The following PAX7 variants were observed in gnomAD, a reference collection of about 807,000 sequenced individuals.
PAX7 encodes the protein paired box 7.
In PAX7, 18 loss-of-function variants were observed where a neutral mutation model predicts 50.7. That is an observed-to-expected ratio of 0.36 (90% CI 0.25 to 0.53). The LOEUF (loss-of-function observed/expected upper bound fraction) is 0.53, where lower values mean the gene tolerates loss of function less well. Ranked by LOEUF, PAX7 falls within the 20% of genes least tolerant of loss-of-function variation. The pLI is 0.93. For missense variants in PAX7, 644 were observed against 702.9 expected, an observed-to-expected ratio of 0.92 and a Z score of 0.95; for synonymous variants, 310 against 290.4, an observed-to-expected ratio of 1.07 and a Z score of -0.69.
chr1:18,645,765 G>C (rs1001765772), intron 4 of PAX7, among the ~76,000 whole-genome samples: 1 of 152,196 alleles, frequency 6.6e-6, no homozygotes, highest in Admixed American at 6.5e-5. Flanking sequence ...GCTTTACCTG[G>C]GCTGCAGACT....
At chr1:18,709,532 C>T (rs573943493) in intron 7 of PAX7, among the ~76,000 whole-genome samples, 1 of 152,290 alleles carries the variant, frequency 6.6e-6, no homozygotes, top group African/African-American at 2.4e-5. Flanking sequence ...TTAGTAATTA[C>T]GGCGACAGCA....
At chr1:18,666,666 A>G (rs558438766) in intron 4 of PAX7, among the ~76,000 whole-genome samples, 2 of 152,302 alleles carry the variant, frequency 1.3e-5, no homozygotes, top group Middle Eastern at 3.4e-3. Flanking sequence ...TGAGGGAGGC[A>G]TCTAGCCAAT....
At chr1:18,732,090 T>G (rs1388944703) in intron 7 of PAX7, among the ~76,000 whole-genome samples, 1 of 152,246 alleles carries the variant, frequency 6.6e-6, no homozygotes, top group African/African-American at 2.4e-5. Flanking sequence ...CTGCCTCGTC[T>G]TCTCAGGGCT....
intron 7 of PAX7, among the ~76,000 whole-genome samples, chr1:18,730,048 A>C (rs780581496): frequency 6.6e-6 from 1 of 152,054 alleles, no homozygotes; most frequent in Non-Finnish European, 1.5e-5. Flanking sequence ...CTTCTAATCC[A>C]GGCAGAAGAG....
At chr1:18,688,821 C>T (rs927383724) in intron 4 of PAX7, among the ~76,000 whole-genome samples, 6 of 152,042 alleles carry the variant, frequency 3.9e-5, no homozygotes, top group African/African-American at 1.2e-4. Context: ...GGGTGAGGCA[C>T]GACAACCATT....
intron 4 of PAX7, among the ~76,000 whole-genome samples, chr1:18,684,704 A>G (rs927910175): frequency 6.6e-6 from 1 of 152,152 alleles, no homozygotes; most frequent in Non-Finnish European, 1.5e-5. Context: ...TGCCCGAATT[A>G]CTTGATTAAA....
chr1:18,673,371 G>A (rs370269011), intron 4 of PAX7, among the ~76,000 whole-genome samples: 29 of 152,224 alleles, frequency 1.9e-4, no homozygotes, highest in East Asian at 1.4e-3. Context: ...AATCCCACAC[G>A]GTCAGCTCCT....
intron 4 of PAX7, among the ~76,000 whole-genome samples, chr1:18,666,309 G>A (rs1360874819): frequency 6.6e-6 from 1 of 152,188 alleles, no homozygotes; most frequent in East Asian, 1.9e-4. Context: ...CCAAACCTTG[G>A]GTCTGTCCCC....
intron 5 of PAX7, among the ~76,000 whole-genome samples, chr1:18,699,228 G>A (rs2089186059): frequency 6.6e-6 from 1 of 152,234 alleles, no homozygotes. Flanking sequence ...ATTAGGAGCA[G>A]CACAGCCAAG....
At chr1:18,695,703 T>C (rs966424229) in intron 5 of PAX7, among the ~76,000 whole-genome samples, 2 of 152,216 alleles carry the variant, frequency 1.3e-5, no homozygotes, top group East Asian at 3.8e-4. Context: ...TCTGGAGTGA[T>C]ACATATATCT....
Position 18,703,257 on chromosome 1 carries a change from C to G in PAX7, c.1116C>G (p.Ser372=). Residue 372 remains serine, a synonymous_variant, in exon 7 of 9, where the codon TCC becomes TCG. Transcript: ENST00000420770. Reference sequence around the variant, plus strand: ...GCTTCATGAATCCGGCGGCGCCCTCCAACCACATGAACCCGGTCAGCAACG... The same window carrying G: ...GCTTCATGAATCCGGCGGCGCCCTCGAACCACATGAACCCGGTCAGCAACG... ...SDSFMNPAAP[S]NHMNPVSNGL... 6.2e-7 allele frequency: 1 copy of G among 1,614,208 alleles called. No individual in the cohort carries two copies.
intron 4 of PAX7, among the ~76,000 whole-genome samples, chr1:18,642,512 A>G (rs1179436312): frequency 1.3e-5 from 2 of 152,174 alleles, no homozygotes; most frequent in Non-Finnish European, 2.9e-5. Context: ...ATTCCAGAAA[A>G]ATAGCTCTTC....
At chr1:18,736,040 A>G in intron 8 of PAX7, 162 bp downstream of exon 8, 1 of 1,478,266 alleles carries the variant, frequency 6.8e-7, no homozygotes. Flanking sequence ...GTTCACCTAA[A>G]ATGACACTGA....
chr1:18,681,089 C>T (rs1011802124), intron 4 of PAX7, among the ~76,000 whole-genome samples: 1 of 146,766 alleles, frequency 6.8e-6, no homozygotes, highest in East Asian at 2.0e-4. Context: ...ATCGCTTGAA[C>T]CTGGGAGGCG....
intron 4 of PAX7, among the ~76,000 whole-genome samples, chr1:18,683,509 GGACA>G (rs1364735295): frequency 6.6e-6 from 1 of 152,198 alleles, no homozygotes; most frequent in Non-Finnish European, 1.5e-5. Context: ...GAATGAATTT[GGACA>G]GTCAATGCTC....
intron 7 of PAX7, among the ~76,000 whole-genome samples, chr1:18,734,944 G>A (rs998815314): frequency 1.3e-5 from 2 of 152,200 alleles, no homozygotes; most frequent in African/African-American, 4.8e-5. Context: ...CTGGTAGTCT[G>A]TGTTGCCAGC....
chr1:18,662,801 G>A (rs573286516), intron 4 of PAX7, among the ~76,000 whole-genome samples: 2 of 152,116 alleles, frequency 1.3e-5, no homozygotes, highest in South Asian at 4.1e-4. Flanking sequence ...CTAAATGTCT[G>A]ACCTCAGGTG....
intron 7 of PAX7, among the ~76,000 whole-genome samples, chr1:18,720,716 G>GGAGA (rs372059026): frequency 6.7e-6 from 1 of 149,644 alleles, no homozygotes; most frequent in Non-Finnish European, 1.5e-5. Context: ...GAGACTGGGG[G>GGAGA]GAGAGAGAGA....
At chr1:18,649,304 G>T (rs1300806560) in intron 4 of PAX7, among the ~76,000 whole-genome samples, 1 of 152,172 alleles carries the variant, frequency 6.6e-6, no homozygotes, top group African/African-American at 2.4e-5. Context: ...CTTTCCCCAT[G>T]CTGGCAGTTC....
Sources: allele counts gnomAD v4.1 joint callset (sites outside exome capture counted in the v4.1 genomes callset), GRCh38; gene constraint gnomAD v4.1.1; transcripts MANE v1.5; gene names NCBI Gene and HGNC (gene_info 2026-07-23, HGNC 2026-07-21).